ARHGAP39: variants seen among roughly 807,000 people sequenced by gnomAD.
The protein encoded by ARHGAP39 is Rho GTPase activating protein 39.
Under a neutral mutation model 106.9 loss-of-function variants are expected in ARHGAP39, and 44 were observed. The observed-to-expected ratio is 0.41, with a 90% CI of 0.32 to 0.53. The LOEUF (loss-of-function observed/expected upper bound fraction) is 0.53. ARHGAP39 is among the 20% of genes least tolerant of loss of function. ARHGAP39 has a pLI of 0.21. For synonymous variants in ARHGAP39, 768 were observed against 693.2 expected (o/e 1.11, Z -1.69); for missense variants, 1,496 against 1,577.3 (o/e 0.95, Z 0.87).
At chr8:144,592,032 A>C (rs185917067) in intron 2 of ARHGAP39, among the ~76,000 whole-genome samples, 71 of 152,344 alleles carry the variant, frequency 4.7e-4, no homozygotes, top group African/African-American at 1.6e-3. Context: ...AGTACAGAGA[A>C]GCTCAGACAG....
At chr8:144,658,352 A>G (rs530097915) in intron 1 of ARHGAP39, among the ~76,000 whole-genome samples, 32 of 150,936 alleles carry the variant, frequency 2.1e-4, no homozygotes, top group African/African-American at 7.8e-4. Context: ...TTGGCTCACC[A>G]CAACCTCCAC....
chr8:144,636,695 AG>A (rs1400047254), intron 1 of ARHGAP39, among the ~76,000 whole-genome samples: 2 of 152,232 alleles, frequency 1.3e-5, no homozygotes, highest in African/African-American at 4.8e-5. Flanking sequence ...ACATGTTTAA[AG>A]GACCAAGGTG....
At chr8:144,607,667 C>T (rs1820344156) in intron 1 of ARHGAP39, among the ~76,000 whole-genome samples, 2 of 152,138 alleles carry the variant, frequency 1.3e-5, no homozygotes, top group African/African-American at 4.8e-5. Context: ...CAGCAGGTGA[C>T]GGGAAGGGAC....
chr8:144,621,411 C>T (rs149909239), intron 1 of ARHGAP39, among the ~76,000 whole-genome samples: 19 of 152,372 alleles, frequency 1.2e-4, no homozygotes, highest in East Asian at 7.7e-4. Context: ...CAGGAAGAGA[C>T]AGTCCCATGG....
At chr8:144,551,458 C>T (rs991010792) in intron 4 of ARHGAP39, among the ~76,000 whole-genome samples, 4 of 152,144 alleles carry the variant, frequency 2.6e-5, no homozygotes, top group African/African-American at 4.8e-5. Context: ...CAATGCAGGC[C>T]GAGGCCTGTG....
At chr8:144,635,097 C>T (rs1014933866) in intron 1 of ARHGAP39, among the ~76,000 whole-genome samples, 3 of 152,236 alleles carry the variant, frequency 2.0e-5, no homozygotes, top group African/African-American at 2.4e-5. Context: ...CACCCTGGCA[C>T]GCAGCTCCTA....
At chr8:144,674,392 T>C (rs1360764807) in intron 1 of ARHGAP39, among the ~76,000 whole-genome samples, 1 of 152,206 alleles carries the variant, frequency 6.6e-6, no homozygotes, top group Non-Finnish European at 1.5e-5. Flanking sequence ...TCGGACTGGT[T>C]AGCTCCTATC....
intron 1 of ARHGAP39, among the ~76,000 whole-genome samples, chr8:144,657,733 GA>G (rs1239749283): frequency 6.6e-6 from 1 of 152,044 alleles, no homozygotes; most frequent in Non-Finnish European, 1.5e-5. Context: ...GACTAAAATA[GA>G]AAAACATATA....
intron 2 of ARHGAP39, among the ~76,000 whole-genome samples, chr8:144,601,369 T>A (rs1239452899): frequency 2.1e-5 from 3 of 144,578 alleles, no homozygotes; most frequent in Admixed American, 6.9e-5. Flanking sequence ...CGAGCTCATG[T>A]ACCTGTGTGT....
the ARHGAP39 span, among the ~76,000 whole-genome samples, chr8:144,692,475 C>T: frequency 2.0e-5 from 3 of 152,240 alleles, no homozygotes; most frequent in African/African-American, 4.8e-5. Context: ...GCAGGTCTCA[C>T]AGTGAAGCGA....
At chr8:144,581,681 C>A (rs1393635820) in intron 2 of ARHGAP39, among the ~76,000 whole-genome samples, 1 of 152,348 alleles carries the variant, frequency 6.6e-6, no homozygotes, top group South Asian at 2.1e-4. Flanking sequence ...TGGACCGCCA[C>A]CTCCACACTG....
chr8:144,541,167 C>T (rs1464465218), intron 6 of ARHGAP39, among the ~76,000 whole-genome samples: 1 of 152,212 alleles, frequency 6.6e-6, no homozygotes, highest in Non-Finnish European at 1.5e-5. Flanking sequence ...GCTTCTTAAG[C>T]AGTTTTAACC....
chr8:144,569,057 A>G (rs1818498289), intron 3 of ARHGAP39, among the ~76,000 whole-genome samples: 1 of 152,258 alleles, frequency 6.6e-6, no homozygotes, highest in African/African-American at 2.4e-5. Flanking sequence ...TAATAATATG[A>G]TGCCTACAGG....
chr8:144,685,362 C>A (rs540995114), intron 1 of ARHGAP39, among the ~76,000 whole-genome samples: 1 of 151,878 alleles, frequency 6.6e-6, no homozygotes, highest in Admixed American at 6.5e-5. Context: ...TACAGTCACA[C>A]CCACTTCGGG....
chr8:144,603,483 G>A (rs1820159440), intron 2 of ARHGAP39, among the ~76,000 whole-genome samples: 1 of 152,094 alleles, frequency 6.6e-6, no homozygotes, highest in Non-Finnish European at 1.5e-5. Context: ...GAGGTCAGGA[G>A]TTCAAGACCA....
chr8:144,621,967 G>A lies in ARHGAP39; in HGVS notation c.-81-16272C>T, dbSNP rs557822007. Among the ~76,000 whole-genome samples, 9 of 152,368 alleles carry A rather than the reference G, an allele frequency of 5.9e-5. 1 individual carries two copies. Among genetic ancestry groups the A allele is most frequent in the African/African-American group, 2.2e-4 (9 of 41,592 alleles). On this transcript the variant is annotated intron_variant, in intron 1 of 11. Transcript: ENST00000377307. The stretch of plus-strand genomic sequence containing the variant: ...AGCTGAGTGACTGCGACTTGGGTAG[G>A]AAGACTCAGAATGCACAATGTTAAG...
upstream of ARHGAP39, among the ~76,000 whole-genome samples, chr8:144,686,574 A>C (rs1822595033): frequency 6.6e-6 from 1 of 152,218 alleles, no homozygotes; most frequent in South Asian, 2.1e-4. Flanking sequence ...CAAAGGGCTG[A>C]AAGGCCCCCG....
intron 1 of ARHGAP39, among the ~76,000 whole-genome samples, chr8:144,655,118 C>A (rs1236842266): frequency 1.3e-5 from 2 of 152,198 alleles, no homozygotes; most frequent in Non-Finnish European, 2.9e-5. Context: ...CAGCAGGAAG[C>A]AGACAGATTC....
At chr8:144,605,769 G>T (rs1423710668) in intron 1 of ARHGAP39, 74 bp from the exon 2 acceptor site, 1 of 728,380 alleles carries the variant, frequency 1.4e-6, no homozygotes, top group Non-Finnish European at 2.3e-6. Flanking sequence ...CCAGCCCACC[G>T]CCGCAGACTG....
Sources: gnomAD v4.1 joint callset for allele counts (sites outside exome capture counted in the v4.1 genomes callset) on GRCh38, gnomAD v4.1.1 for gene constraint, MANE v1.5 for transcripts, NCBI Gene and HGNC (gene_info 2026-07-23, HGNC 2026-07-21) for gene names.